Variants in DCAF1 observed in about 807,000 individuals in gnomAD.
DCAF1 encodes DDB1 and CUL4 associated factor 1, also known as DDB1- and CUL4-associated factor 1.
A neutral mutation model predicts 128.0 loss-of-function variants in DCAF1; 15 were observed. The observed-to-expected ratio is 0.12, with a 90% confidence interval of 0.08 to 0.18. DCAF1 has a LOEUF of 0.18. Among genes scored for constraint, DCAF1 ranks in the 10% least tolerant of loss-of-function variants. The pLI, the probability that DCAF1 is intolerant of heterozygous loss-of-function variation, is 1.00. For synonymous variants in DCAF1, 610 were observed against 603.0 expected, an observed-to-expected ratio of 1.01 and a Z score of -0.17; for missense variants, 988 against 1,649.5, an observed-to-expected ratio of 0.60 and a Z score of 6.95.
At chr3:51,477,252 C>A (rs1553650930) in intron 3 of DCAF1, among the ~76,000 whole-genome samples, 1 of 151,518 alleles carries the variant, frequency 6.6e-6, no homozygotes, top group African/African-American at 2.4e-5. Context: ...AGCAGACAGG[C>A]CTAAAATTCA....
rs532450201 is a variant in DCAF1 at position 51,494,604 on chromosome 3, A to G, written c.-9+2130T>C. On this transcript the variant is annotated intron_variant, in intron 2 of 24. Coordinates refer to ENST00000684031, the MANE Select transcript of DCAF1 (RefSeq NM_001387579.1). ...ATCCAGAAGAGACTGCTTCTTAGATAACTTAAGCAGTTAGCCTACTAGAGC... is the reference window on the plus strand; with the variant it reads ...ATCCAGAAGAGACTGCTTCTTAGATGACTTAAGCAGTTAGCCTACTAGAGC... 3.9e-5 allele frequency among the ~76,000 whole-genome samples: 6 copies of G among 152,304 alleles called. No homozygotes were observed. In the South Asian group the frequency reaches 1.2e-3, roughly 32 times the overall value.
In DCAF1 at chr3:51,413,286, A is replaced by C. The variant is rs1553629122; in HGVS notation, c.4032T>G (p.Pro1344=). ...FRTFNATDYK[P]IATIDVKRNI... is the part of the protein sequence containing the mutation. ...TGTCTGTCCCTTTCTGCTTACCTAT[A>C]GGTTTGTAGTCAGTTGCATTAAATG... is the stretch of plus-strand genomic sequence containing the variant. Residue 1344 remains proline (P), a synonymous_variant, in exon 21 of 25, where the codon CCT becomes CCG. Coordinates refer to ENST00000684031, the MANE Select transcript of DCAF1 (RefSeq NM_001387579.1). 6.2e-7 allele frequency: 1 copy of C among 1,613,194 alleles called. No homozygotes were observed. The highest frequency in any genetic ancestry group is 1.7e-5 in the Admixed American group (1 of 59,902).
At chr3:51,416,639 T>C (rs1239822035) in intron 18 of DCAF1, 148 bp downstream of exon 18, 8 of 1,178,436 alleles carry the variant, frequency 6.8e-6, no homozygotes, top group East Asian at 2.8e-5. Context: ...CTCAGAACTA[T>C]ATTATCATAC....
intron 3 of DCAF1, among the ~76,000 whole-genome samples, chr3:51,482,889 C>A (rs1553653476): frequency 6.6e-6 from 1 of 151,286 alleles, no homozygotes; most frequent in Non-Finnish European, 1.5e-5. Flanking sequence ...GTAATCCCAG[C>A]ACTTTGGGAG....
intron 6 of DCAF1, among the ~76,000 whole-genome samples, chr3:51,454,649 C>T (rs569176739): frequency 6.6e-6 from 1 of 152,286 alleles, no homozygotes; most frequent in South Asian, 2.1e-4. Context: ...AGGCGTGAGC[C>T]ACGACGCCCA....
intron 6 of DCAF1, among the ~76,000 whole-genome samples, chr3:51,451,358 G>A (rs1702334320): frequency 6.6e-6 from 1 of 151,894 alleles, no homozygotes; most frequent in Non-Finnish European, 1.5e-5. Context: ...GCTCATGCCT[G>A]TAATGCCAGC....
At chr3:51,411,591 G>A (rs1698420362) in intron 23 of DCAF1, among the ~76,000 whole-genome samples, 1 of 152,150 alleles carries the variant, frequency 6.6e-6, no homozygotes. Context: ...TTTTATATAT[G>A]TTTAATTTCT....
rs1452886536 is a variant in DCAF1, at chr3:51,495,772, G to A, written c.-9+962C>T. 3.9e-5 allele frequency among the ~76,000 whole-genome samples: 6 copies of A among 152,062 alleles called. No homozygotes were observed. In the South Asian group the frequency reaches 6.2e-4, roughly 16 times the overall value. The stretch of plus-strand genomic sequence containing the variant: ...CAGTAGTAGTAGTACTTACTTCAAT[G>A]TTCGTTTTTTTGTGTTTGTTTTTTG... On this transcript the variant is annotated intron_variant, in intron 2 of 24. Transcript: ENST00000684031.
At chr3:51,460,204 C>T (rs1703390357) in intron 6 of DCAF1, among the ~76,000 whole-genome samples, 1 of 152,176 alleles carries the variant, frequency 6.6e-6, no homozygotes, top group South Asian at 2.1e-4. Context: ...GCAACTTCAG[C>T]AAAGTCTCAG....
chr3:51,432,880 C>A (rs1700514672), intron 10 of DCAF1, among the ~76,000 whole-genome samples: 1 of 152,302 alleles, frequency 6.6e-6, no homozygotes, highest in East Asian at 1.9e-4. Context: ...TCCAATCCAC[C>A]CAGCATTTTC....
chr3:51,444,971 G>A (rs967041122), intron 6 of DCAF1, among the ~76,000 whole-genome samples: 31 of 152,144 alleles, frequency 2.0e-4, no homozygotes, highest in African/African-American at 6.3e-4. Context: ...CACCATGCCC[G>A]GCCCCCAAAC....
At chr3:51,493,112 TACGACCC>T (rs1707847994) in intron 2 of DCAF1, among the ~76,000 whole-genome samples, 1 of 151,890 alleles carries the variant, frequency 6.6e-6, no homozygotes, top group South Asian at 2.1e-4. Flanking sequence ...AGAATTACTA[TACGACCC>T]AGCAATTTCA....
At chr3:51,504,316 G>A (rs1275597473), upstream of DCAF1, among the ~76,000 whole-genome samples, 4 of 151,812 alleles carry the variant, frequency 2.6e-5, no homozygotes, top group Admixed American at 2.0e-4. Flanking sequence ...GATTACAGGC[G>A]TGAGCCACCG....
At chr3:51,404,879 G>C (rs2089995100) in intron 23 of DCAF1, among the ~76,000 whole-genome samples, 1 of 152,178 alleles carries the variant, frequency 6.6e-6, no homozygotes, top group African/African-American at 2.4e-5. Context: ...AAGGAACTAT[G>C]AGTGTCTGGA....
chr3:51,462,484 G>A (rs920161613), intron 6 of DCAF1, among the ~76,000 whole-genome samples: 3 of 152,000 alleles, frequency 2.0e-5, no homozygotes, highest in African/African-American at 4.8e-5. Context: ...GATGGCTCAC[G>A]CCTGTAATGC....
intron 2 of DCAF1, among the ~76,000 whole-genome samples, chr3:51,493,711 T>C (rs113143209): frequency 0.016 from 2,487 of 151,498 alleles, 34 homozygotes; most frequent in Middle Eastern, 0.055. Flanking sequence ...ATATAAAACA[T>C]TGAAGGCTGG....
chr3:51,423,260 G>A (rs1699581426), intron 13 of DCAF1, among the ~76,000 whole-genome samples: 1 of 152,266 alleles, frequency 6.6e-6, no homozygotes, highest in African/African-American at 2.4e-5. Flanking sequence ...GGGAGGCTGA[G>A]GCGGGCAGAT....
intron 4 of DCAF1, among the ~76,000 whole-genome samples, chr3:51,468,659 A>G (rs1704398677): frequency 6.6e-6 from 1 of 152,190 alleles, no homozygotes; most frequent in African/African-American, 2.4e-5. Flanking sequence ...CATCAGAGAA[A>G]AGTATCACAA....
rs1553629634 is a variant in DCAF1 at position 51,414,611 on chromosome 3, G to A, written c.3837+13C>T. On this transcript the variant is annotated intron_variant, in intron 19 of 24. Coordinates refer to ENST00000684031, the MANE Select transcript of DCAF1 (RefSeq NM_001387579.1). ...ACAACAAATGGAAGGTAAGACATGA[G>A]TATAAAGGATACAATCTCAGTATTA... The A allele has an allele frequency of 2.5e-6, 4 of 1,612,094 alleles. No homozygotes were observed. Among genetic ancestry groups the A allele is most frequent in the East Asian group, 2.2e-5 (1 of 44,804 alleles).
Sources: gnomAD v4.1 joint callset for allele counts (sites outside exome capture counted in the v4.1 genomes callset) on GRCh38, gnomAD v4.1.1 for gene constraint, MANE v1.5 for transcripts, NCBI Gene and HGNC (gene_info 2026-07-23, HGNC 2026-07-21) for gene names.